Variants in NBEA observed in about 807,000 individuals in gnomAD.
NBEA encodes lysosomal-trafficking regulator 2.
NBEA carries 44 observed loss-of-function variants against 343.4 expected under a neutral mutation model. The observed-to-expected ratio is 0.13, with a 90% CI of 0.10 to 0.16. NBEA has a LOEUF of 0.16. Among genes scored for constraint, NBEA ranks in the 10% least tolerant of loss-of-function variants. The pLI is 1.00. For synonymous variants in NBEA, 1,175 were observed against 1,238.7 expected, an observed-to-expected ratio of 0.95 and a Z score of 1.08; for missense variants, 2,555 against 3,631.3, an observed-to-expected ratio of 0.70 and a Z score of 7.62.
At chr13:35,484,296 A>AT in intron 41 of NBEA, among the ~76,000 whole-genome samples, 1 of 149,188 alleles carries the variant, frequency 6.7e-6, no homozygotes, top group Non-Finnish European at 1.5e-5. Flanking sequence ...ATATATATGT[A>AT]GACCCTCACT....
chr13:35,480,564 A>G (rs574482543), intron 41 of NBEA, among the ~76,000 whole-genome samples: 2 of 152,136 alleles, frequency 1.3e-5, no homozygotes, highest in South Asian at 4.1e-4. Context: ...ATATGTGCTT[A>G]TTACGCTGGG....
rs543800733 is a variant in NBEA, at chr13:35,280,863, C to T, written c.5777-9526C>T. On this transcript the variant is annotated intron_variant, in intron 34 of 58. Transcript: ENST00000379939. ...ATATAACTCACTTTGTAATAGATCT[C>T]CGTCATATTATAACTGGATTCTGAG... Among the ~76,000 whole-genome samples the T allele has an allele frequency of 7.9e-5, 12 of 151,878 alleles. No homozygotes were observed. In the East Asian group the frequency reaches 2.3e-3, roughly 29 times the overall value.
In NBEA at chr13:35,575,958, A is replaced by G. The variant is rs187722740; in HGVS notation, c.7036-7940A>G. On this transcript the variant is annotated intron_variant, in intron 45 of 58. Transcript: ENST00000379939. ...TTATAGAACATAACAATAACAGCCA[A>G]TATTTTGCATGTATTTATTATATGC... Among the ~76,000 whole-genome samples, 15 of 152,206 alleles carry G rather than the reference A, an allele frequency of 9.9e-5. No homozygotes were observed. In the East Asian group the frequency reaches 2.3e-3, roughly 24 times the overall value.
intron 36 of NBEA, among the ~76,000 whole-genome samples, chr13:35,311,405 A>G (rs1399204196): frequency 1.3e-5 from 2 of 152,010 alleles, no homozygotes; most frequent in Non-Finnish European, 2.9e-5. Flanking sequence ...TTAAGATTAT[A>G]GTAATAGGCT....
intron 18 of NBEA, 80 bp from the exon 19 acceptor site, chr13:35,155,694 G>T (rs2069123850): frequency 9.4e-7 from 1 of 1,061,978 alleles, no homozygotes; most frequent in Non-Finnish European, 1.4e-6. Flanking sequence ...CATTTCTTTT[G>T]CAGGTTCATT....
At chr13:35,196,334 T>TA in intron 31 of NBEA, 32 bp downstream of exon 31, 1 of 1,535,318 alleles carries the variant, frequency 6.5e-7, no homozygotes. Context: ...CACAGGGCTT[T>TA]ATACATAAAA....
Position 35,671,994 on chromosome 13 carries a change from GT to G in NBEA, c.*1006del, listed in dbSNP as rs2085633326. 6.6e-6 allele frequency: 1 copy of G among 152,340 alleles called. No homozygotes were observed. Among genetic ancestry groups the G allele is most frequent in the Non-Finnish European group, 1.5e-5 (1 of 68,020 alleles). 9.4% of individuals were successfully genotyped at this position (152,340 alleles called of 1,614,324 possible). On this transcript the variant is annotated 3_prime_UTR_variant, in exon 59 of 59. Transcript: ENST00000379939. ...TTCTCTTTGGTTCTTGAATAGCTTAGTTTCTTTAATAACAAGTCAAACTTTA... is the reference window on the plus strand; with the variant it reads ...TTCTCTTTGGTTCTTGAATAGCTTAGTTCTTTAATAACAAGTCAAACTTTA...
At chr13:35,569,388 C>CA (rs1327400788) in intron 45 of NBEA, among the ~76,000 whole-genome samples, 6 of 152,112 alleles carry the variant, frequency 3.9e-5, no homozygotes, top group Non-Finnish European at 8.8e-5. Context: ...GATAAAAATT[C>CA]AGAGTATAGA....
At chr13:35,287,289 G>A (rs754131563) in intron 34 of NBEA, among the ~76,000 whole-genome samples, 1 of 151,868 alleles carries the variant, frequency 6.6e-6, no homozygotes, top group Non-Finnish European at 1.5e-5. Flanking sequence ...TATTTTTGTT[G>A]GGGAGGCACA....
At chr13:35,359,718 T>C (rs2040698489) in intron 38 of NBEA, among the ~76,000 whole-genome samples, 1 of 152,102 alleles carries the variant, frequency 6.6e-6, no homozygotes, top group Non-Finnish European at 1.5e-5. Context: ...TTTTTCTTTG[T>C]TTATTTTAGC....
intron 35 of NBEA, among the ~76,000 whole-genome samples, chr13:35,299,968 A>G (rs2036427538): frequency 6.6e-6 from 1 of 152,168 alleles, no homozygotes; most frequent in Non-Finnish European, 1.5e-5. Flanking sequence ...GTTGTCTTCC[A>G]TGTCCACCTC....
At chr13:35,126,128 T>G (rs146445836) in intron 17 of NBEA, among the ~76,000 whole-genome samples, 1 of 152,326 alleles carries the variant, frequency 6.6e-6, no homozygotes, top group Admixed American at 6.5e-5. Context: ...ATGGGGGCAG[T>G]TCCCCCCTGC....
chr13:35,565,910 G>A (rs2080116391), intron 44 of NBEA, among the ~76,000 whole-genome samples: 1 of 152,114 alleles, frequency 6.6e-6, no homozygotes. Context: ...CTTAAGGAGT[G>A]AAAAAATGTA....
chr13:35,501,906 G>C (rs1431444672), intron 41 of NBEA, among the ~76,000 whole-genome samples: 1 of 151,978 alleles, frequency 6.6e-6, no homozygotes, highest in Non-Finnish European at 1.5e-5. Context: ...ATTGTCAGAG[G>C]GGATGTATGT....
intron 38 of NBEA, among the ~76,000 whole-genome samples, chr13:35,369,221 G>A (rs916510425): frequency 1.4e-5 from 2 of 141,726 alleles, no homozygotes; most frequent in African/African-American, 2.6e-5. Context: ...TCAGTTGGCT[G>A]TAAGTACATG....
intron 34 of NBEA, among the ~76,000 whole-genome samples, chr13:35,244,728 A>G (rs965755168): frequency 2.0e-5 from 3 of 152,054 alleles, no homozygotes; most frequent in Non-Finnish European, 2.9e-5. Flanking sequence ...TCATTTTCAC[A>G]ATATTGATTC....
intron 1 of NBEA, among the ~76,000 whole-genome samples, chr13:34,988,804 CT>C (rs1256230924): frequency 1.3e-5 from 2 of 150,810 alleles, no homozygotes; most frequent in African/African-American, 4.8e-5. Context: ...TTTTTCTGTT[CT>C]TTTACTATTA....
intron 38 of NBEA, among the ~76,000 whole-genome samples, chr13:35,379,660 T>G (rs768455325): frequency 3.9e-5 from 6 of 152,172 alleles, no homozygotes; most frequent in South Asian, 2.1e-4. Context: ...TACTTTCAGA[T>G]TTGAAAACCA....
intron 41 of NBEA, among the ~76,000 whole-genome samples, chr13:35,546,984 A>G (rs1594939203): frequency 6.6e-6 from 1 of 152,330 alleles, no homozygotes; most frequent in Admixed American, 6.5e-5. Context: ...TTGCTATAAA[A>G]AAAAGAAAAG....
Sources: allele counts gnomAD v4.1 joint callset (sites outside exome capture counted in the v4.1 genomes callset), GRCh38; gene constraint gnomAD v4.1.1; transcripts MANE v1.5; gene names NCBI Gene and HGNC (gene_info 2026-07-23, HGNC 2026-07-21).